The following BICRA variants were observed in gnomAD, a reference collection of about 807,000 sequenced individuals.
The protein encoded by BICRA is BRD4-interacting chromatin-remodeling complex-associated protein.
In BICRA, 31 loss-of-function variants were observed where a neutral mutation model predicts 96.9. That is an observed-to-expected ratio of 0.32 (90% CI 0.24 to 0.43). The LOEUF (loss-of-function observed/expected upper bound fraction) is 0.43. BICRA is among the 20% of genes least tolerant of loss of function. BICRA has a pLI of 1.00. For synonymous variants in BICRA, 1,350 were observed against 1,071.8 expected, an observed-to-expected ratio of 1.26 and a Z score of -5.07; for missense variants, 2,283 against 2,190.3, an observed-to-expected ratio of 1.04 and a Z score of -0.84.
At chr19:47,673,974 C>T (rs1167686694) in intron 4 of BICRA, among the ~76,000 whole-genome samples, 1 of 151,978 alleles carries the variant, frequency 6.6e-6, no homozygotes, top group Non-Finnish European at 1.5e-5. Context: ...AAACCAGTCA[C>T]TAATAAAGGT....
intron 1 of BICRA, among the ~76,000 whole-genome samples, chr19:47,667,072 G>A (rs1186925869): frequency 2.7e-5 from 4 of 149,808 alleles, no homozygotes; most frequent in African/African-American, 4.9e-5. Flanking sequence ...AGGCTGGAGT[G>A]CAGTGGCACG....
chr19:47,628,651 C>G (rs1972175217), intron 1 of BICRA, among the ~76,000 whole-genome samples: 2 of 152,194 alleles, frequency 1.3e-5, no homozygotes, highest in African/African-American at 4.8e-5. Context: ...GTTGTCCAGG[C>G]TGGAGTGCAG....
intron 2 of BICRA, among the ~76,000 whole-genome samples, chr19:47,673,226 A>C (rs560527754): frequency 6.6e-6 from 1 of 152,212 alleles, no homozygotes; most frequent in East Asian, 1.9e-4. Flanking sequence ...TCCAGTTCTC[A>C]TCTGCAAAGT....
At chr19:47,696,707 G>A (rs1599868360) in intron 11 of BICRA, among the ~76,000 whole-genome samples, 195 bp downstream of exon 11, 1 of 152,230 alleles carries the variant, frequency 6.6e-6, no homozygotes, top group African/African-American at 2.4e-5. Context: ...GAGTGGTGGA[G>A]GGAGGGTGGG....
chr19:47,675,704 T>A lies in BICRA; in HGVS notation c.85-147T>A, dbSNP rs925473961. 1 of 679,758 alleles carries A rather than the reference T, an allele frequency of 1.5e-6. No individual in the cohort carries two copies. Among genetic ancestry groups the A allele is most frequent in the Non-Finnish European group, 2.6e-6 (1 of 380,340 alleles). 42.1% of individuals were successfully genotyped at this position (679,758 alleles called of 1,614,324 possible). ...AAGCCCCTGCCTTTGGGGCCTCTTT[T>A]CGGAGGCGAGAGTTTCCCATACCCC... On this transcript the variant is annotated intron_variant, in intron 4 of 14. Coordinates refer to ENST00000594866, the MANE Select transcript of BICRA (RefSeq NM_001394372.1). The surrounding 1 kb of genome is among the most constrained non-coding windows in gnomAD (Gnocchi z 4.7).
chr19:47,622,230 C>T (rs912969911), intron 1 of BICRA, among the ~76,000 whole-genome samples: 1 of 151,712 alleles, frequency 6.6e-6, no homozygotes, highest in East Asian at 2.0e-4. Context: ...TCCCAAAGTG[C>T]TGGAATTACA....
rs1190275457 is a variant in BICRA at position 47,694,267 on chromosome 19, C to T, written c.2436C>T (p.Arg812=). 17 of 645,718 alleles carry T rather than the reference C, an allele frequency of 2.6e-5. No individual in the cohort carries two copies. The highest frequency in any genetic ancestry group is 3.6e-5 in the Non-Finnish European group (15 of 413,018). The allele number at this position is 645,718 out of a possible 1,614,324, so 40.0% of individuals were successfully genotyped here. Residue 812 remains arginine, a synonymous_variant, in exon 8 of 15, where the codon CGC becomes CGT. Coordinates refer to ENST00000594866, the MANE Select transcript of BICRA (RefSeq NM_001394372.1). ...CCTCCCGGCCACAGAGTGTGTCCCG[C>T]CCTCCCTCAGAGCCACCCTTGCACC... ...RPPSRPQSVS[R]PPSEPPLHPC... is the part of the protein sequence containing the mutation.
In BICRA at chr19:47,680,063, C is replaced by T; in HGVS notation, c.893C>T (p.Ala298Val). 6.4e-7 allele frequency: 1 copy of T among 1,562,116 alleles called. No individual in the cohort carries two copies. Among genetic ancestry groups the T allele is most frequent in the South Asian group, 1.2e-5 (1 of 85,908 alleles). Residue 298 changes from alanine (A) to valine (V), a missense_variant, in exon 6 of 15, where the codon GCC (alanine) becomes GTC (valine). Ala to Val is a moderately conservative substitution (Grantham distance 64, BLOSUM62 0). Transcript: ENST00000594866. ...VIQKNLSAAV[A>V]TTLNGNSVFG... is the part of the protein sequence containing the mutation. ...CAGAAGAACCTCTCGGCCGCTGTGGCCACCACGCTCAATGGGAACTCTGTG... is the reference window on the plus strand; with the variant it reads ...CAGAAGAACCTCTCGGCCGCTGTGGTCACCACGCTCAATGGGAACTCTGTG...
In BICRA at chr19:47,694,144, A is replaced by G; in HGVS notation, c.2313A>G (p.Pro771=). ...CGGCAGCGGCTCCGCTGAAGGGCCCAGGCCCCTCTTCGTCCCCGTCACTAC... is the reference window on the plus strand; with the variant it reads ...CGGCAGCGGCTCCGCTGAAGGGCCCGGGCCCCTCTTCGTCCCCGTCACTAC... The part of the protein sequence containing the change: ...QIPAAAPLKG[P]GPSSSPSLPH... Residue 771 remains proline (P), a synonymous_variant, in exon 8 of 15, where the codon CCA becomes CCG. Transcript: ENST00000594866. 1 of 1,206,430 alleles carries G rather than the reference A, an allele frequency of 8.3e-7. No homozygotes were observed. The allele number at this position is 1,206,430 out of a possible 1,614,324, so 74.7% of individuals were successfully genotyped here. A position where few individuals can be genotyped will look rare whatever the true frequency, so the allele number is the denominator to read the frequency against.
Position 47,680,142 on chromosome 19 carries a change from G to A in BICRA, c.972G>A (p.Pro324=), listed in dbSNP as rs1278247272. Residue 324 remains proline, a synonymous_variant, in exon 6 of 15, where the codon CCG becomes CCA. Transcript: ENST00000594866. ...CCACCGGGACGCCCTCGGGACAGCC[G>A]CTGGCGGTGGCCCCAGGCCTCGGCT... is the stretch of plus-strand genomic sequence containing the variant. ...SAPTGTPSGQ[P]LAVAPGLGSS... 2.0e-6 allele frequency: 3 copies of A among 1,523,564 alleles called. No individual in the cohort carries two copies. Among genetic ancestry groups the A allele is most frequent in the East Asian group, 2.5e-5 (1 of 40,202 alleles). The allele number at this position is 1,523,564 out of a possible 1,614,324, so 94.4% of individuals were successfully genotyped here.
At chr19:47,653,173 A>C (rs1173894016) in intron 1 of BICRA, among the ~76,000 whole-genome samples, 1 of 151,836 alleles carries the variant, frequency 6.6e-6, no homozygotes, top group Non-Finnish European at 1.5e-5. Context: ...ACAGGTGCTC[A>C]CCACCACACC....
intron 1 of BICRA, among the ~76,000 whole-genome samples, chr19:47,623,408 C>T (rs1043031693): frequency 1.5e-4 from 23 of 152,176 alleles, no homozygotes; most frequent in Non-Finnish European, 4.4e-5. Context: ...GTCAGACCCC[C>T]AGGTGTTCAC....
chr19:47,689,445 C>CG (rs1973207654), intron 7 of BICRA, among the ~76,000 whole-genome samples: 1 of 152,022 alleles, frequency 6.6e-6, no homozygotes, highest in African/African-American at 2.4e-5. Flanking sequence ...GAGTCTCTCT[C>CG]TGTCGCCCAG....
Position 47,679,805 on chromosome 19 carries a change from CG to C in BICRA, c.638del (p.Gly213AlafsTer61). ...GLGNVTLQPI[P>X]GLQGLPNGSP... is the part of the protein sequence containing the mutation. ...GGCAATGTGACACTGCAGCCCATCC[CG>C]GGCCTCCAAGGCCTGCCCAATGGCA... On this transcript the variant is annotated frameshift_variant, in exon 6 of 15. Transcript: ENST00000594866. LOFTEE classifies it high-confidence loss of function. The C allele has an allele frequency of 6.7e-7, 1 of 1,487,660 alleles. No homozygotes were observed. The allele number at this position is 1,487,660 out of a possible 1,614,324, so 92.2% of individuals were successfully genotyped here.
chr19:47,698,859 G>C lies in BICRA; in HGVS notation c.3397+77G>C. On this transcript the variant is annotated intron_variant, in intron 12 of 14. Coordinates refer to ENST00000594866, the MANE Select transcript of BICRA (RefSeq NM_001394372.1). The surrounding 1 kb of genome is among the most constrained non-coding windows in gnomAD (Gnocchi z 4.8). Reference sequence around the variant, plus strand: ...TGGGGCGGGGCGTCGCCAGTGTGGAGCCGCAGGTCCACGGTGCGCTATGCT... The same window carrying C: ...TGGGGCGGGGCGTCGCCAGTGTGGACCCGCAGGTCCACGGTGCGCTATGCT... The C allele has an allele frequency of 7.2e-7, 1 of 1,397,476 alleles. No homozygotes were observed. Among genetic ancestry groups the C allele is most frequent in the Non-Finnish European group, 9.9e-7 (1 of 1,007,668 alleles). The allele number at this position is 1,397,476 out of a possible 1,614,324, so 86.6% of individuals were successfully genotyped here.
intron 1 of BICRA, among the ~76,000 whole-genome samples, chr19:47,649,487 G>A (rs1972511723): frequency 6.6e-6 from 1 of 152,126 alleles, no homozygotes; most frequent in African/African-American, 2.4e-5. Flanking sequence ...TGTCCTGCCT[G>A]GAGACACTTC....
At chr19:47,678,559 A>G (rs2123583244) in intron 5 of BICRA, among the ~76,000 whole-genome samples, 1 of 152,210 alleles carries the variant, frequency 6.6e-6, no homozygotes, top group African/African-American at 2.4e-5. Flanking sequence ...TGGGGCCACC[A>G]CCAGCGGCTT....
At chr19:47,638,042 G>A (rs886312951) in intron 1 of BICRA, among the ~76,000 whole-genome samples, 4 of 152,042 alleles carry the variant, frequency 2.6e-5, no homozygotes, top group Admixed American at 1.3e-4. Flanking sequence ...TCTCTGCCCG[G>A]GGCTGCTCTT....
At chr19:47,654,595 C>T (rs867634494) in intron 1 of BICRA, among the ~76,000 whole-genome samples, 3 of 152,082 alleles carry the variant, frequency 2.0e-5, no homozygotes, top group Non-Finnish European at 2.9e-5. Flanking sequence ...CATTCTCCTG[C>T]CTCAGCCTCC....
Sources: allele counts gnomAD v4.1 joint callset (sites outside exome capture counted in the v4.1 genomes callset), GRCh38; gene constraint gnomAD v4.1.1; non-coding constraint Gnocchi (gnomAD v3.1); transcripts MANE v1.5; gene names NCBI Gene and HGNC (gene_info 2026-07-23, HGNC 2026-07-21).